HEMK2: variants seen among roughly 807,000 people sequenced by gnomAD.
HEMK2 encodes the protein HemK methyltransferase 2, ETF1 glutamine and histone H4 lysine.
the HEMK2 span, among the ~76,000 whole-genome samples, chr21:28,679,656 C>T: frequency 6.6e-6 from 1 of 152,190 alleles, no homozygotes; most frequent in Admixed American, 6.5e-5. Context: ...GGAAGCAAAG[C>T]ACTCCTCAGC....
the HEMK2 span, among the ~76,000 whole-genome samples, chr21:28,848,045 C>G: frequency 3.9e-5 from 6 of 152,190 alleles, no homozygotes; most frequent in African/African-American, 1.4e-4. Flanking sequence ...AGTTTGAAGT[C>G]AGGTAGTGTG....
the HEMK2 span, among the ~76,000 whole-genome samples, chr21:28,643,936 T>C: frequency 6.6e-6 from 1 of 152,178 alleles, no homozygotes; most frequent in Non-Finnish European, 1.5e-5. Flanking sequence ...TCCTCTACAT[T>C]AAGCCAGTGA....
At chr21:28,708,081 T>A in the HEMK2 span, among the ~76,000 whole-genome samples, 2 of 152,152 alleles carry the variant, frequency 1.3e-5, no homozygotes, top group African/African-American at 4.8e-5. Flanking sequence ...AACAAGCCCA[T>A]GGCCAAAAGT....
At chr21:28,796,656 T>C in the HEMK2 span, among the ~76,000 whole-genome samples, 1 of 152,092 alleles carries the variant, frequency 6.6e-6, no homozygotes. Flanking sequence ...CATCTACCTC[T>C]TGGGCTCAAG....
the HEMK2 span, among the ~76,000 whole-genome samples, chr21:28,807,163 G>C: frequency 6.6e-6 from 1 of 152,156 alleles, no homozygotes; most frequent in African/African-American, 2.4e-5. Flanking sequence ...CACCCGATGG[G>C]TAGCTTCTCT....
chr21:28,615,291 C>A, the HEMK2 span, among the ~76,000 whole-genome samples: 1 of 151,648 alleles, frequency 6.6e-6, no homozygotes, highest in Non-Finnish European at 1.5e-5. Flanking sequence ...TTACTAGGGT[C>A]GTCTCTCTCT....
chr21:28,630,835 C>T, the HEMK2 span, among the ~76,000 whole-genome samples: 4 of 150,768 alleles, frequency 2.7e-5, no homozygotes, highest in Middle Eastern at 3.4e-3. Context: ...TGCTAAATGA[C>T]GAGTTAATGG....
the HEMK2 span, among the ~76,000 whole-genome samples, chr21:28,730,418 A>ACACACACACACACACACACACAATTTAT: frequency 1.4e-5 from 2 of 142,180 alleles, no homozygotes; most frequent in African/African-American, 5.3e-5. Flanking sequence ...ACACACACAC[A>ACACACACACACACACACACACAATTTAT]TTTCTCACAA....
the HEMK2 span, among the ~76,000 whole-genome samples, chr21:28,676,470 A>C: frequency 6.6e-6 from 1 of 151,722 alleles, no homozygotes; most frequent in African/African-American, 2.4e-5. Context: ...AGCTGATCAT[A>C]ATCACAAAAG....
chr21:28,844,207 AC>A, the HEMK2 span, among the ~76,000 whole-genome samples: 1 of 151,926 alleles, frequency 6.6e-6, no homozygotes. Context: ...AATTTTATTA[AC>A]AGTCAATACC....
At chr21:28,722,173 G>A in the HEMK2 span, among the ~76,000 whole-genome samples, 2 of 151,134 alleles carry the variant, frequency 1.3e-5, no homozygotes, top group East Asian at 3.9e-4. Flanking sequence ...CAGGTCAAAA[G>A]GTAGGAAGAT....
chr21:28,701,218 C>A, the HEMK2 span, among the ~76,000 whole-genome samples: 1 of 151,904 alleles, frequency 6.6e-6, no homozygotes, highest in African/African-American at 2.4e-5. Flanking sequence ...GGAAGCATTC[C>A]CCTTGGAAAC....
At chr21:28,732,489 A>C in the HEMK2 span, among the ~76,000 whole-genome samples, 2 of 152,192 alleles carry the variant, frequency 1.3e-5, no homozygotes, top group Non-Finnish European at 2.9e-5. Context: ...TGCATATGTG[A>C]AGGGGATTCA....
chr21:28,657,881 T>G, the HEMK2 span, among the ~76,000 whole-genome samples: 1 of 152,042 alleles, frequency 6.6e-6, no homozygotes. Flanking sequence ...CTAGGGCTAT[T>G]AACTGTATAA....
At chr21:28,608,233 G>C in the HEMK2 span, among the ~76,000 whole-genome samples, 1 of 152,088 alleles carries the variant, frequency 6.6e-6, no homozygotes, top group African/African-American at 2.4e-5. Context: ...AAAGCAAGGA[G>C]ACACTTTCAA....
the HEMK2 span, among the ~76,000 whole-genome samples, chr21:28,627,293 C>T: frequency 6.6e-6 from 1 of 152,180 alleles, no homozygotes; most frequent in African/African-American, 2.4e-5. Context: ...ACGGTGGTTA[C>T]ACAAGGGCAT....
the HEMK2 span, among the ~76,000 whole-genome samples, chr21:28,857,384 C>T: frequency 1.3e-5 from 2 of 152,004 alleles, no homozygotes; most frequent in Non-Finnish European, 2.9e-5. Flanking sequence ...AAAGATTCTT[C>T]GTTGAAAGGA....
chr21:28,841,938 A>G, the HEMK2 span, among the ~76,000 whole-genome samples: 1 of 152,340 alleles, frequency 6.6e-6, no homozygotes, highest in East Asian at 1.9e-4. Flanking sequence ...CTCCACTGGG[A>G]GAGACTCTTG....
chr21:28,621,125 C>G, the HEMK2 span, among the ~76,000 whole-genome samples: 1 of 151,958 alleles, frequency 6.6e-6, no homozygotes, highest in African/African-American at 2.4e-5. Flanking sequence ...TTTGTTTTCT[C>G]TTGCTTCTCT....
Sources: gnomAD v4.1 joint callset for allele counts (sites outside exome capture counted in the v4.1 genomes callset) on GRCh38, gnomAD v4.1.1 for gene constraint, MANE v1.5 for transcripts, NCBI Gene and HGNC (gene_info 2026-07-23, HGNC 2026-07-21) for gene names.